Variants in GABRB1 observed in about 807,000 individuals in gnomAD.
GABRB1 encodes the protein gamma-aminobutyric acid type A receptor subunit beta1.
Under a neutral mutation model 51.6 loss-of-function variants are expected in GABRB1, and 17 were observed. That is an observed-to-expected ratio of 0.33 (90% CI 0.23 to 0.49). GABRB1 has a LOEUF of 0.49. GABRB1 is among the 20% of genes least tolerant of loss of function. The pLI, the probability that GABRB1 is intolerant of heterozygous loss-of-function variation, is 0.99. For synonymous variants in GABRB1, 247 were observed against 218.9 expected, an observed-to-expected ratio of 1.13 and a Z score of -1.14; for missense variants, 410 against 600.6, an observed-to-expected ratio of 0.68 and a Z score of 3.32.
chr4:47,257,701 A>C (rs994533035), intron 4 of GABRB1, among the ~76,000 whole-genome samples: 3 of 152,108 alleles, frequency 2.0e-5, no homozygotes, highest in Non-Finnish European at 4.4e-5. Flanking sequence ...TCAGGAAAAA[A>C]AAAAAACTAG....
intron 1 of GABRB1, among the ~76,000 whole-genome samples, chr4:47,000,828 G>A (rs1237204261): frequency 6.6e-6 from 1 of 152,178 alleles, no homozygotes; most frequent in African/African-American, 2.4e-5. Context: ...TTAGACTGAA[G>A]CTGAAGACTT....
intron 3 of GABRB1, among the ~76,000 whole-genome samples, chr4:47,055,754 C>T (rs1577866178): frequency 6.6e-6 from 1 of 152,144 alleles, no homozygotes; most frequent in African/African-American, 2.4e-5. Context: ...GTTTAGACTT[C>T]GCCCTTCCCA....
chr4:47,125,925 A>C (rs1233721369), intron 3 of GABRB1, among the ~76,000 whole-genome samples: 5 of 149,550 alleles, frequency 3.3e-5, no homozygotes, highest in Non-Finnish European at 7.4e-5. Flanking sequence ...TCAACTGATG[A>C]ATAAAGAAAA....
At chr4:47,374,512 C>T (rs1029828945) in intron 5 of GABRB1, among the ~76,000 whole-genome samples, 4 of 152,182 alleles carry the variant, frequency 2.6e-5, no homozygotes, top group Non-Finnish European at 1.5e-5. Flanking sequence ...TTTAGGAGAC[C>T]TTATCCAAAG....
At chr4:47,242,366 T>G (rs942846910) in intron 4 of GABRB1, among the ~76,000 whole-genome samples, 6 of 152,216 alleles carry the variant, frequency 3.9e-5, no homozygotes, top group African/African-American at 1.4e-4. Context: ...TGTGTCTTTA[T>G]AGCAGCATGA....
At chr4:47,134,424 T>G (rs1246422787) in intron 3 of GABRB1, among the ~76,000 whole-genome samples, 1 of 152,152 alleles carries the variant, frequency 6.6e-6, no homozygotes, top group Non-Finnish European at 1.5e-5. Flanking sequence ...TAGATTGATG[T>G]CACTTACCAT....
intron 3 of GABRB1, among the ~76,000 whole-genome samples, chr4:47,034,203 T>A (rs974438895): frequency 6.6e-6 from 1 of 152,176 alleles, no homozygotes; most frequent in Non-Finnish European, 1.5e-5. Context: ...TAGAGTGTCA[T>A]GCTTTTCAGA....
intron 4 of GABRB1, among the ~76,000 whole-genome samples, chr4:47,180,738 T>C (rs6832403): frequency 0.86 from 130,762 of 151,948 alleles, 56,277 homozygotes; most frequent in Middle Eastern, 0.92. Context: ...AAGATATTTA[T>C]TGCCAAGCAC....
chr4:47,315,573 A>G (rs1314693404), intron 4 of GABRB1, among the ~76,000 whole-genome samples: 6 of 152,028 alleles, frequency 3.9e-5, no homozygotes, highest in Non-Finnish European at 1.5e-5. Flanking sequence ...TTAAAGATAC[A>G]TACACACATA....
intron 8 of GABRB1, among the ~76,000 whole-genome samples, chr4:47,410,025 G>A (rs189681124): frequency 6.6e-6 from 1 of 152,218 alleles, no homozygotes; most frequent in East Asian, 1.9e-4. Flanking sequence ...GAGTAACATT[G>A]GGCTTAAATG....
At chr4:47,358,419 TGAGAGA>T (rs139057428) in intron 5 of GABRB1, among the ~76,000 whole-genome samples, 1 of 142,244 alleles carries the variant, frequency 7.0e-6, no homozygotes, top group Non-Finnish European at 1.5e-5. Context: ...AGAGAGAGAG[TGAGAGA>T]GAGAGAGAGA....
intron 5 of GABRB1, among the ~76,000 whole-genome samples, chr4:47,357,421 C>A (rs1017457213): frequency 7.2e-5 from 11 of 152,198 alleles, no homozygotes; most frequent in African/African-American, 2.4e-4. Context: ...GAACTCCCAG[C>A]ATTCCTGTGT....
chr4:47,161,230 T>TG lies in GABRB1; in HGVS notation c.241-18dup, dbSNP rs751442795. 6.9e-7 allele frequency: 1 copy of TG among 1,439,566 alleles called. No homozygotes were observed. Among genetic ancestry groups the TG allele is most frequent in the Non-Finnish European group, 9.5e-7 (1 of 1,050,778 alleles). The allele number at this position is 1,439,566 out of a possible 1,614,324, so 89.2% of individuals were successfully genotyped here. A position where few individuals can be genotyped will look rare whatever the true frequency, so the allele number is the denominator to read the frequency against. On this transcript the variant is annotated intron_variant, in intron 3 of 8. Transcript: ENST00000295454. ...GATAGTAAAATTCTTTTTTTTTTTT[T>TG]GCTTTCTTTATTTCACAGGATTATA...
intron 4 of GABRB1, among the ~76,000 whole-genome samples, chr4:47,288,331 C>A (rs1000454787): frequency 6.6e-6 from 1 of 151,832 alleles, no homozygotes; most frequent in Non-Finnish European, 1.5e-5. Flanking sequence ...GGCGCGATCT[C>A]GGCTCACTGC....
At chr4:47,077,839 ATTTTATATATAT>A (rs1727623623) in intron 3 of GABRB1, among the ~76,000 whole-genome samples, 2 of 140,642 alleles carry the variant, frequency 1.4e-5, no homozygotes, top group South Asian at 2.1e-4. Context: ...TATATTATAT[ATTTTATATATAT>A]TTTTATATAT....
chr4:47,414,585 T>A (rs1728855012), intron 8 of GABRB1, among the ~76,000 whole-genome samples: 1 of 152,222 alleles, frequency 6.6e-6, no homozygotes, highest in African/African-American at 2.4e-5. Flanking sequence ...GCTTAGTGAT[T>A]TGGGGGCCCC....
At chr4:47,280,690 G>A (rs1193398122) in intron 4 of GABRB1, among the ~76,000 whole-genome samples, 1 of 151,424 alleles carries the variant, frequency 6.6e-6, no homozygotes, top group Admixed American at 6.6e-5. Context: ...CCCTGTCACT[G>A]AGGCTAGAGT....
chr4:47,274,961 T>C (rs1173449136), intron 4 of GABRB1, among the ~76,000 whole-genome samples: 2 of 152,174 alleles, frequency 1.3e-5, no homozygotes, highest in African/African-American at 4.8e-5. Context: ...AACAAGTAGA[T>C]TAAATCTGTT....
intron 5 of GABRB1, among the ~76,000 whole-genome samples, chr4:47,347,556 G>T (rs371993249): frequency 1.3e-4 from 19 of 151,918 alleles, no homozygotes; most frequent in African/African-American, 4.1e-4. Context: ...TGCCTTCGTG[G>T]CACAATCTCT....
Sources: allele counts gnomAD v4.1 joint callset (sites outside exome capture counted in the v4.1 genomes callset), GRCh38; gene constraint gnomAD v4.1.1; transcripts MANE v1.5; gene names NCBI Gene and HGNC (gene_info 2026-07-23, HGNC 2026-07-21).